THOC5: variants seen among roughly 807,000 people sequenced by gnomAD.
The protein encoded by THOC5 is Fms-interacting protein.
A neutral mutation model predicts 92.9 loss-of-function variants in THOC5; 43 were observed. The ratio of observed to expected loss-of-function variants is 0.46; its 90% confidence interval spans 0.36 to 0.60. The LOEUF is 0.60. Ranked by LOEUF, THOC5 falls within the 20% of genes least tolerant of loss-of-function variation. The probability of loss-of-function intolerance (pLI) is 0.00; values close to 1 mark genes in which losing one functional copy is unlikely to be tolerated. For missense variants in THOC5, 659 were observed against 849.4 expected, an observed-to-expected ratio of 0.78 and a Z score of 2.79; for synonymous variants, 296 against 320.1, an observed-to-expected ratio of 0.92 and a Z score of 0.80.
chr22:29,537,350 A>G (rs1466544478), intron 6 of THOC5, among the ~76,000 whole-genome samples: 2 of 152,124 alleles, frequency 1.3e-5, no homozygotes, highest in Non-Finnish European at 1.5e-5. Context: ...TTTCCTAAGA[A>G]CCAGACTCGG....
rs1222499162 is a variant in THOC5, at chr22:29,541,527, A to T, written c.452+1332T>A. 2.1e-5 allele frequency among the ~76,000 whole-genome samples: 3 copies of T among 144,634 alleles called. No homozygotes were observed. The East Asian group carries it at 6.3e-4, about 30-fold the overall frequency. The allele number at this position is 144,634 out of a possible 152,430, so 94.9% of individuals were successfully genotyped here. ...GTCTCAAAAAAAAAAAAAAAAAAAG[A>T]CAAAAAACAAAACAATCAATCAGTA... On this transcript the variant is annotated intron_variant, in intron 5 of 19. Coordinates refer to ENST00000490103, the MANE Select transcript of THOC5 (RefSeq NM_003678.5).
chr22:29,518,075 C>T (rs757591911), intron 15 of THOC5, among the ~76,000 whole-genome samples: 19 of 152,030 alleles, frequency 1.2e-4, no homozygotes, highest in Non-Finnish European at 2.2e-4. Context: ...GCTTTGTTGC[C>T]CAGGCTGGAA....
intron 10 of THOC5, 66 bp from the exon 11 acceptor site, chr22:29,528,243 C>G: frequency 6.2e-7 from 1 of 1,614,006 alleles, no homozygotes; most frequent in Admixed American, 1.7e-5. Flanking sequence ...CCTCTCCCAA[C>G]CAGCCAGGCC....
At chr22:29,519,165 T>C (rs1378139865) in intron 14 of THOC5, 45 bp from the exon 15 acceptor site, 5 of 1,336,764 alleles carry the variant, frequency 3.7e-6, no homozygotes, top group Admixed American at 1.8e-5. Flanking sequence ...CCCCCATCCC[T>C]TCCTCCGGGC....
At chr22:29,521,667 C>T (rs2063444140) in intron 12 of THOC5, among the ~76,000 whole-genome samples, 1 of 152,174 alleles carries the variant, frequency 6.6e-6, no homozygotes, top group African/African-American at 2.4e-5. Flanking sequence ...CAATCACATA[C>T]ACTGGAGACC....
chr22:29,528,189 A>C lies in THOC5; in HGVS notation c.967-12T>G. On this transcript the variant is annotated splice_polypyrimidine_tract_variant and intron_variant, in intron 10 of 19. Coordinates refer to ENST00000490103, the MANE Select transcript of THOC5 (RefSeq NM_003678.5). ...GGTCTCCGGCGCTTCTGGACAAAGG[A>C]AAGTGCCAAGCTGATGAGCATCAGT... 6.2e-7 allele frequency: 1 copy of C among 1,614,114 alleles called. No individual in the cohort carries two copies. Among genetic ancestry groups the C allele is most frequent in the Non-Finnish European group, 8.5e-7 (1 of 1,180,014 alleles).
chr22:29,533,789 A>C (rs539631769), intron 7 of THOC5, among the ~76,000 whole-genome samples: 1 of 152,324 alleles, frequency 6.6e-6, no homozygotes, highest in East Asian at 1.9e-4. Flanking sequence ...AACTATAATG[A>C]GATACCCTCC....
chr22:29,528,351 G>A (rs1297847656), intron 10 of THOC5, 75 bp downstream of exon 10: 1 of 1,613,952 alleles, frequency 6.2e-7, no homozygotes, highest in Admixed American at 1.7e-5. Context: ...CTTCTAGGGA[G>A]GACGGCACCT....
At chr22:29,541,860 C>CAAAAAA (rs1569230675) in intron 5 of THOC5, among the ~76,000 whole-genome samples, 1 of 20,982 alleles carries the variant, frequency 4.8e-5, no homozygotes, top group Non-Finnish European at 1.1e-4. Flanking sequence ...GACTCCATCT[C>CAAAAAA]CAAAAAAAAA....
chr22:29,513,356 C>CAAA (rs375469055), intron 17 of THOC5, among the ~76,000 whole-genome samples: 4 of 102,398 alleles, frequency 3.9e-5, no homozygotes, highest in Non-Finnish European at 7.9e-5. Flanking sequence ...GACTCCGTCT[C>CAAA]AAAAAAAAAA....
intron 2 of THOC5, among the ~76,000 whole-genome samples, chr22:29,546,994 C>T (rs1391138413): frequency 6.6e-6 from 1 of 151,886 alleles, no homozygotes; most frequent in East Asian, 1.9e-4. Context: ...GGGCCCACCA[C>T]CATGTCTGGC....
At chr22:29,545,040 AAG>A (rs1268681132) in intron 2 of THOC5, 1 of 428,486 alleles carries the variant, frequency 2.3e-6, no homozygotes, top group Non-Finnish European at 4.6e-6. Context: ...TGGGAACAAA[AAG>A]AGGTTTAATT....
chr22:29,528,434 G>T lies in THOC5; in HGVS notation c.958C>A (p.Gln320Lys). Reference sequence around the variant, plus strand: ...GAGGAAATGGTTCTCACCGTAGTCTGCTCCTCCTCGGCATCTGAGTCACTC... The same window carrying T: ...GAGGAAATGGTTCTCACCGTAGTCTTCTCCTCCTCGGCATCTGAGTCACTC... ...DESDSDAEEE[Q>K]TTKRRRPTLG... The change falls in exon 10 of 20, where the codon CAG becomes AAG. Residue 320 changes from glutamine to lysine, a missense_variant. Transcript: ENST00000490103. 1 of 1,613,664 alleles carries T rather than the reference G, an allele frequency of 6.2e-7. No homozygotes were observed.
chr22:29,551,996 A>T (rs2064160679), intron 1 of THOC5, among the ~76,000 whole-genome samples: 1 of 152,266 alleles, frequency 6.6e-6, no homozygotes, highest in Non-Finnish European at 1.5e-5. Flanking sequence ...TGTGTTGGCC[A>T]GGCTGGTCTC....
chr22:29,552,800 G>A (rs1369035413), intron 1 of THOC5, among the ~76,000 whole-genome samples: 2 of 152,206 alleles, frequency 1.3e-5, no homozygotes, highest in Admixed American at 6.5e-5. Flanking sequence ...TAGTAGAGAG[G>A]GGGGAAATGT....
chr22:29,519,148 G>A (rs376461191), intron 14 of THOC5, 28 bp from the exon 15 acceptor site: 4 of 1,502,870 alleles, frequency 2.7e-6, no homozygotes, highest in South Asian at 1.2e-5. Flanking sequence ...ACACATACAC[G>A]TGTGCTCCCC....
chr22:29,544,681 TCTC>T, intron 2 of THOC5, 78 bp from the exon 3 acceptor site: 1 of 1,372,150 alleles, frequency 7.3e-7, no homozygotes, highest in Non-Finnish European at 9.7e-7. Flanking sequence ...TTGGCTGACA[TCTC>T]CTTTTAGATA....
Position 29,512,060 on chromosome 22 carries a change from C to G in THOC5, c.1758G>C (p.Trp586Cys), listed in dbSNP as rs1390219069. The change falls in exon 18 of 20, where the codon TGG (tryptophan) becomes TGC (cysteine). Residue 586 changes from tryptophan (W) to cysteine (C), a missense_variant. By Grantham distance (215) the Trp-to-Cys change is radical. Transcript: ENST00000490103. ...CGTTGCTGTTGGTTTTCTCCCCTTT[C>G]CAGTTCAAACAGAGCTGGAAAACAG... ...IPPVFQLCLNWKGEKTNSNDD... is the reference protein window; with the variant it reads ...IPPVFQLCLNCKGEKTNSNDD... The G allele has an allele frequency of 6.2e-7, 1 of 1,614,148 alleles. No individual in the cohort carries two copies. Among genetic ancestry groups the G allele is most frequent in the Non-Finnish European group, 8.5e-7 (1 of 1,179,990 alleles).
chr22:29,546,088 C>A (rs2146559887), intron 2 of THOC5, among the ~76,000 whole-genome samples: 1 of 152,390 alleles, frequency 6.6e-6, no homozygotes, highest in East Asian at 1.9e-4. Context: ...CACTTGGAAG[C>A]TGCCAAAGCT....
Sources: gnomAD v4.1 joint callset for allele counts (sites outside exome capture counted in the v4.1 genomes callset) on GRCh38, gnomAD v4.1.1 for gene constraint, MANE v1.5 for transcripts, NCBI Gene and HGNC (gene_info 2026-07-23, HGNC 2026-07-21) for gene names.